KIF7: variants seen among roughly 807,000 people sequenced by gnomAD.
The protein encoded by KIF7 is kinesin-like protein KIF7.
In KIF7, 104 loss-of-function variants were observed where a neutral mutation model predicts 135.7. The ratio of observed to expected loss-of-function variants is 0.77; its 90% CI spans 0.65 to 0.90. The LOEUF is 0.90. KIF7 is among the 40% of genes least tolerant of loss of function. The pLI, the probability that KIF7 is intolerant of heterozygous loss-of-function variation, is 0.00. For synonymous variants in KIF7, 883 were observed against 809.4 expected (o/e 1.09, Z -1.54); for missense variants, 2,005 against 1,839.1 (o/e 1.09, Z -1.65).
In KIF7 at chr15:89,633,168, G is replaced by A. The variant is rs780645813; in HGVS notation, c.2691C>T (p.Gly897=). The part of the protein sequence containing the change: ...FQRKRRSGSN[G]SVVSLEQQQK... ...GCTGCTGTTCCAGGCTGACCACAGA[G>A]CCGTTGCTGCCACTGCGCCTCTTCC... is the stretch of plus-strand genomic sequence containing the variant. Residue 897 remains glycine (G), a synonymous_variant, in exon 13 of 19, where the codon GGC becomes GGT. Coordinates refer to ENST00000394412, the MANE Select transcript of KIF7 (RefSeq NM_198525.3). 2 of 1,603,824 alleles carry A rather than the reference G, an allele frequency of 1.2e-6. No homozygotes were observed. Among genetic ancestry groups the A allele is most frequent in the East Asian group, 2.2e-5 (1 of 44,826 alleles).
intron 1 of KIF7, among the ~76,000 whole-genome samples, chr15:89,654,476 A>AGCC (rs1321290971): frequency 6.6e-6 from 1 of 151,922 alleles, no homozygotes. Context: ...CTGAGGCTGC[A>AGCC]GCCACCTTCT....
At chr15:89,626,946 C>G (rs745518651), downstream of KIF7, 25 of 1,612,734 alleles carry the variant, frequency 1.6e-5, 1 homozygote, top group South Asian at 2.5e-4. Flanking sequence ...GCCTTTCTAC[C>G]TTCTTCTAGA....
upstream of KIF7, among the ~76,000 whole-genome samples, chr15:89,655,727 C>A (rs973091385): frequency 6.6e-6 from 1 of 152,214 alleles, no homozygotes. Flanking sequence ...CCTTCATCCC[C>A]GGTCTCTGTT....
In KIF7 at chr15:89,648,992, C is replaced by T; in HGVS notation, c.905G>A (p.Arg302His). The T allele has an allele frequency of 1.3e-6, 2 of 1,542,870 alleles. No homozygotes were observed. The highest frequency in any genetic ancestry group is 1.2e-5 in the South Asian group (1 of 83,842). The change falls in exon 4 of 19, where the codon CGC becomes CAC. Residue 302 changes from arginine to histidine, a missense_variant. By Grantham distance (29) the Arg-to-His change is conservative. Coordinates refer to ENST00000394412, the MANE Select transcript of KIF7 (RefSeq NM_198525.3). ...AGCTCACCGGGTGATCTTGGAGTCG[C>T]GGTAGGGTATGTGGCTGCCCCGGCG... ...PQRRGSHIPY[R>H]DSKITRILKD... is the part of the protein sequence containing the mutation.
At chr15:89,631,025 C>A in intron 15 of KIF7, 1 of 223,396 alleles carries the variant, frequency 4.5e-6, no homozygotes, top group Non-Finnish European at 9.0e-6. Flanking sequence ...AGAAAACGCA[C>A]AGTAAAAATG....
intron 14 of KIF7, among the ~76,000 whole-genome samples, chr15:89,632,267 CCCT>C (rs1963696415): frequency 6.6e-6 from 1 of 152,190 alleles, no homozygotes; most frequent in South Asian, 2.1e-4. Context: ...ACGGCCATCC[CCCT>C]CCAGCCATCA....
At chr15:89,640,889 G>A (rs1464241488) in intron 11 of KIF7, among the ~76,000 whole-genome samples, 1 of 151,224 alleles carries the variant, frequency 6.6e-6, no homozygotes, top group Non-Finnish European at 1.5e-5. Flanking sequence ...GTGGCACCCC[G>A]CTACTCAGGA....
rs1459821606 is a variant in KIF7, at chr15:89,631,696, G to A, written c.2910C>T (p.Asp970=). 10 of 1,554,106 alleles carry A rather than the reference G, an allele frequency of 6.4e-6. No homozygotes were observed. Among genetic ancestry groups the A allele is most frequent in the Non-Finnish European group, 8.7e-6 (10 of 1,147,760 alleles). The change falls in exon 15 of 19, where the codon GAC becomes GAT. Residue 970 remains aspartate (D), a synonymous_variant. Transcript: ENST00000394412. ...CCAGCCGGCTGGACACTCGCACGAT[G>A]TCCTCGTTGAGGGCCTGGGGGCAGA... ...RLRSSQALNE[D]IVRVSSRLEH... is the part of the protein sequence containing the mutation.
intron 14 of KIF7, 74 bp downstream of exon 14, chr15:89,632,746 T>G (rs1436251765): frequency 1.3e-6 from 2 of 1,511,158 alleles, no homozygotes; most frequent in Non-Finnish European, 9.0e-7. Flanking sequence ...GGAGCTCACC[T>G]GGCAAGATCT....
chr15:89,617,944 A>G (rs1167236928), intron 2 of KIF7: 3 of 592,362 alleles, frequency 5.1e-6, no homozygotes, highest in African/African-American at 3.7e-5. Flanking sequence ...CGCCCGCCTT[A>G]GCCTCCTAAG....
downstream of KIF7, chr15:89,625,264 G>A (rs781712821): frequency 1.1e-5 from 18 of 1,613,144 alleles, no homozygotes; most frequent in Non-Finnish European, 1.4e-5. Context: ...CCCCACCCAC[G>A]GCCCTTCTAG....
intron 14 of KIF7, among the ~76,000 whole-genome samples, 189 bp downstream of exon 14, chr15:89,632,631 A>G (rs1199014841): frequency 6.6e-6 from 1 of 152,098 alleles, no homozygotes; most frequent in Non-Finnish European, 1.5e-5. Context: ...ACCTAGAAGA[A>G]ACTCTCCTGT....
intron 11 of KIF7, among the ~76,000 whole-genome samples, chr15:89,640,471 G>A (rs2142013965): frequency 6.6e-6 from 1 of 152,216 alleles, no homozygotes; most frequent in Admixed American, 6.5e-5. Context: ...GAGGCAGAGA[G>A]GTTAGGAAAC....
Position 89,630,461 on chromosome 15 carries a change from G to A in KIF7, c.3144C>T (p.Ala1048=), listed in dbSNP as rs1223274754. ...CAATGGCAGCATCCAGGGCCTCGAT[G>A]GCCTCATCCAACTGGAACAGCGTCC... ...EERTLFQLDE[A]IEALDAAIEY... is the part of the protein sequence containing the mutation. The change falls in exon 16 of 19, where the codon GCC becomes GCT. Residue 1048 remains alanine, a synonymous_variant. Transcript: ENST00000394412. 3 of 1,566,968 alleles carry A rather than the reference G, an allele frequency of 1.9e-6. No homozygotes were observed. In the East Asian group the frequency reaches 7.1e-5, roughly 37 times the overall value.
chr15:89,627,918 C>T (rs905860927), downstream of KIF7: 2 of 153,678 alleles, frequency 1.3e-5, no homozygotes, highest in African/African-American at 4.8e-5. Flanking sequence ...GTTGTGTTCC[C>T]AAATCTGATT....
chr15:89,631,799 C>A, intron 14 of KIF7, 89 bp from the exon 15 acceptor site: 1 of 1,160,186 alleles, frequency 8.6e-7, no homozygotes, highest in Non-Finnish European at 1.2e-6. Context: ...GGAGGACTTG[C>A]GTCCTTCCCT....
In KIF7 at chr15:89,629,513, G is replaced by A. The variant is rs774024440; in HGVS notation, c.3379C>T (p.Gln1127Ter). Residue 1127 changes from glutamine (Q) to a stop codon, truncating the protein, a stop_gained, in exon 17 of 19, where the codon CAG becomes TAG. Coordinates refer to ENST00000394412, the MANE Select transcript of KIF7 (RefSeq NM_198525.3). LOFTEE classifies it high-confidence loss of function. ...ACCAGCCTCTGCTGCTCCTCCAGCT[G>A]CATCTCCAGTTCCGAGAAGGCAATC... The part of the protein sequence containing the change: ...QQIAFSELEM[Q>*]LEEQQRLVYW... 1.2e-6 allele frequency: 2 copies of A among 1,610,982 alleles called. No homozygotes were observed. Among genetic ancestry groups the A allele is most frequent in the Non-Finnish European group, 1.7e-6 (2 of 1,180,006 alleles).
intron 11 of KIF7, among the ~76,000 whole-genome samples, chr15:89,637,663 T>C (rs1238821393): frequency 1.4e-5 from 2 of 147,048 alleles, no homozygotes; most frequent in Admixed American, 6.8e-5. Flanking sequence ...GGAGCTGAAA[T>C]TGTGGCAATA....
intron 14 of KIF7, among the ~76,000 whole-genome samples, 160 bp downstream of exon 14, chr15:89,632,644 AGACCTCGCCTGGCAGG>A (rs1285445146): frequency 1.3e-5 from 2 of 152,106 alleles, no homozygotes; most frequent in Non-Finnish European, 2.9e-5. Flanking sequence ...TCTCCTGTCT[AGACCTCGCCTGGCAGG>A]GACATCACCT....
Sources: allele counts gnomAD v4.1 joint callset (sites outside exome capture counted in the v4.1 genomes callset), GRCh38; gene constraint gnomAD v4.1.1; transcripts MANE v1.5; gene names NCBI Gene and HGNC (gene_info 2026-07-23, HGNC 2026-07-21).